Variants in AP1B1 observed in about 807,000 individuals in gnomAD.
AP1B1 encodes the protein AP-1 complex subunit beta-1.
A neutral mutation model predicts 104.3 loss-of-function variants in AP1B1; 36 were observed. That is an observed-to-expected ratio of 0.35 (90% CI 0.26 to 0.46). AP1B1 has a LOEUF of 0.46. Among genes scored for constraint, AP1B1 ranks in the 20% least tolerant of loss-of-function variants. The pLI is 1.00. For missense variants in AP1B1, 901 were observed against 1,247.9 expected, an observed-to-expected ratio of 0.72 and a Z score of 4.19; for synonymous variants, 504 against 517.5, an observed-to-expected ratio of 0.97 and a Z score of 0.35.
chr22:29,332,669 G>A (rs2061579214), intron 17 of AP1B1, among the ~76,000 whole-genome samples: 1 of 152,226 alleles, frequency 6.6e-6, no homozygotes, highest in African/African-American at 2.4e-5. Flanking sequence ...TCTCAGGGAG[G>A]AGCAGGCCTG....
At chr22:29,368,455 C>T (rs999417883) in intron 1 of AP1B1, among the ~76,000 whole-genome samples, 1 of 152,192 alleles carries the variant, frequency 6.6e-6, no homozygotes, top group African/African-American at 2.4e-5. Context: ...AACCAAGATA[C>T]CCTAGATACA....
chr22:29,345,196 C>T (rs1474031662), intron 11 of AP1B1, among the ~76,000 whole-genome samples: 2 of 149,232 alleles, frequency 1.3e-5, no homozygotes, highest in Non-Finnish European at 3.0e-5. Context: ...GTAGCTGGGA[C>T]TACAGGTATG....
chr22:29,382,772 C>A (rs1314315988), intron 1 of AP1B1, among the ~76,000 whole-genome samples: 1 of 152,040 alleles, frequency 6.6e-6, no homozygotes, highest in Non-Finnish European at 1.5e-5. Flanking sequence ...GTCTGAGGAA[C>A]AGAAGGGAAG....
intron 11 of AP1B1, 119 bp downstream of exon 11, chr22:29,349,099 C>A: frequency 8.3e-7 from 1 of 1,207,774 alleles, no homozygotes; most frequent in Non-Finnish European, 1.2e-6. Context: ...GCACATCACT[C>A]ATCTGTCTGT....
At chr22:29,365,073 C>G (rs988696735) in intron 2 of AP1B1, among the ~76,000 whole-genome samples, 2 of 152,172 alleles carry the variant, frequency 1.3e-5, no homozygotes, top group African/African-American at 4.8e-5. Context: ...CTTATTTCAT[C>G]CTCACAACTC....
intron 12 of AP1B1, 97 bp downstream of exon 12, chr22:29,342,188 G>T: frequency 2.0e-6 from 2 of 987,198 alleles, no homozygotes; most frequent in South Asian, 1.5e-5. Context: ...ACCTGTCTTA[G>T]GAGCGGGCCT....
intron 19 of AP1B1, among the ~76,000 whole-genome samples, chr22:29,331,129 C>G (rs2061551167): frequency 6.6e-6 from 1 of 152,182 alleles, no homozygotes; most frequent in African/African-American, 2.4e-5. Context: ...AGAAAGGGCA[C>G]AGAGGAGGGG....
chr22:29,365,316 T>C (rs549145851), intron 2 of AP1B1, among the ~76,000 whole-genome samples: 1 of 151,948 alleles, frequency 6.6e-6, no homozygotes, highest in Admixed American at 6.6e-5. Flanking sequence ...ACATCTCTCT[T>C]CCCAAAAGAA....
chr22:29,331,664 G>A (rs2061560542), intron 18 of AP1B1, 123 bp downstream of exon 18: 5 of 1,586,944 alleles, frequency 3.2e-6, no homozygotes, highest in Non-Finnish European at 4.3e-6. Flanking sequence ...TCCCCAACCT[G>A]GGCCTCCCCA....
intron 7 of AP1B1, among the ~76,000 whole-genome samples, chr22:29,352,780 A>T (rs978963484): frequency 9.2e-5 from 14 of 152,174 alleles, no homozygotes; most frequent in East Asian, 3.8e-4. Context: ...ATATATATTT[A>T]AAAAATATAT....
chr22:29,341,467 T>C (rs767702785), intron 13 of AP1B1, 34 bp downstream of exon 13: 22 of 1,593,182 alleles, frequency 1.4e-5, no homozygotes, highest in South Asian at 7.8e-5. Flanking sequence ...AAGCAGAGTG[T>C]GAAGGCGCAG....
chr22:29,350,579 G>C (rs2061858780), intron 9 of AP1B1, among the ~76,000 whole-genome samples: 1 of 152,186 alleles, frequency 6.6e-6, no homozygotes, highest in African/African-American at 2.4e-5. Flanking sequence ...CTCTGAAGGA[G>C]ATTTCTCAGG....
intron 10 of AP1B1, 23 bp from the exon 11 acceptor site, chr22:29,349,406 G>A: frequency 1.9e-6 from 3 of 1,610,872 alleles, no homozygotes; most frequent in Non-Finnish European, 2.5e-6. Flanking sequence ...GGCACAGTTG[G>A]TATGGGAGCC....
At position 29,358,741 on chromosome 22, in the gene AP1B1, G is replaced by A. The variant is rs201143641; in HGVS notation, c.510C>T (p.Ser170=). ...GFLDTLKDLI[S]DSNPMVVANA... ...AGTGGCTTACCATGGGGTTAGAGTC[G>A]GAGATGAGGTCTTTAAGGGTGTCCA... Residue 170 remains serine, a synonymous_variant, in exon 5 of 23, where the codon TCC becomes TCT. Transcript: ENST00000357586. The A allele has an allele frequency of 7.1e-5, 114 of 1,612,870 alleles. 1 individual carries two copies. The South Asian group carries it at 8.0e-4, about 11-fold the overall frequency.
At chr22:29,354,603 G>A in intron 7 of AP1B1, 47 bp downstream of exon 7, 1 of 1,567,304 alleles carries the variant, frequency 6.4e-7, no homozygotes, top group Non-Finnish European at 8.8e-7. Context: ...CAGCAGAAGA[G>A]GCTCCCCGAG....
intron 11 of AP1B1, 130 bp from the exon 12 acceptor site, chr22:29,342,513 G>T: frequency 1.4e-6 from 1 of 716,200 alleles, no homozygotes; most frequent in Non-Finnish European, 2.3e-6. Context: ...CTAGGTTTGG[G>T]GCTGTCACGG....
At chr22:29,353,736 AGT>A in intron 7 of AP1B1, among the ~76,000 whole-genome samples, 2 of 152,294 alleles carry the variant, frequency 1.3e-5, no homozygotes, top group East Asian at 3.9e-4. Flanking sequence ...ATGAGGCCCC[AGT>A]TCTCTGTGTA....
At chr22:29,373,419 G>C (rs947542675) in intron 1 of AP1B1, among the ~76,000 whole-genome samples, 1 of 152,166 alleles carries the variant, frequency 6.6e-6, no homozygotes, top group Non-Finnish European at 1.5e-5. Context: ...AAGATTTCAT[G>C]TGTACAAAGC....
chr22:29,345,810 G>A (rs935879197), intron 11 of AP1B1, among the ~76,000 whole-genome samples: 1 of 152,136 alleles, frequency 6.6e-6, no homozygotes, highest in Non-Finnish European at 1.5e-5. Context: ...TCAGCCTCCT[G>A]AGTGGCTGGG....
Sources: gnomAD v4.1 joint callset for allele counts (sites outside exome capture counted in the v4.1 genomes callset) on GRCh38, gnomAD v4.1.1 for gene constraint, MANE v1.5 for transcripts, NCBI Gene and HGNC (gene_info 2026-07-23, HGNC 2026-07-21) for gene names.